The following P2RX6 variants were observed in gnomAD, a reference collection of about 807,000 sequenced individuals.
P2RX6 encodes the protein P2X purinoceptor 6.
P2RX6 carries 62 observed loss-of-function variants against 54.2 expected under a neutral mutation model. That is an observed-to-expected ratio of 1.14 (90% CI 0.93 to 1.41). The LOEUF (loss-of-function observed/expected upper bound fraction) is 1.41, where lower values mean the gene tolerates loss of function less well. Ranked by LOEUF, P2RX6 falls within the 40% of genes most tolerant of loss-of-function variation. The pLI is 0.00. For missense variants in P2RX6, 541 were observed against 566.3 expected, an observed-to-expected ratio of 0.96 and a Z score of 0.45; for synonymous variants, 211 against 231.9, an observed-to-expected ratio of 0.91 and a Z score of 0.82.
intron 2 of P2RX6, among the ~76,000 whole-genome samples, chr22:21,016,416 C>T (rs1010842097): frequency 2.0e-5 from 3 of 151,960 alleles, no homozygotes; most frequent in Non-Finnish European, 2.9e-5. Flanking sequence ...GGTGAAACCC[C>T]ATCTCTATTA....
chr22:21,015,396 G>A, intron 1 of P2RX6, 58 bp downstream of exon 1: 2 of 1,504,146 alleles, frequency 1.3e-6, no homozygotes, highest in Non-Finnish European at 1.8e-6. Flanking sequence ...TGGGGGGTGG[G>A]GCTTGGTCCT....
Position 21,026,689 on chromosome 22 carries a change from C to A in P2RX6, c.*72C>A. On this transcript the variant is annotated 3_prime_UTR_variant, in exon 12 of 12. Coordinates refer to ENST00000413302, the MANE Select transcript of P2RX6 (RefSeq NM_005446.5). This position sits in a 1 kb window ranked among gnomAD's most constrained non-coding sequence, Gnocchi z 4.0. Reference sequence around the variant, plus strand: ...TGCCTGGGGATCTCAAGGATGAGGCCCCAGCATGGAGGATTGGGGGTAGAA... The same window carrying A: ...TGCCTGGGGATCTCAAGGATGAGGCACCAGCATGGAGGATTGGGGGTAGAA... 6.6e-7 allele frequency: 1 copy of A among 1,510,398 alleles called. No homozygotes were observed. The highest frequency in any genetic ancestry group is 2.5e-5 in the East Asian group (1 of 40,542). 93.6% of individuals were successfully genotyped at this position (1,510,398 alleles called of 1,614,324 possible). A position where few individuals can be genotyped will look rare whatever the true frequency, so the allele number is the denominator to read the frequency against.
intron 2 of P2RX6, among the ~76,000 whole-genome samples, chr22:21,016,782 T>C (rs1403047479): frequency 2.0e-5 from 3 of 152,008 alleles, no homozygotes; most frequent in Non-Finnish European, 4.4e-5. Context: ...TCTTCTCGGC[T>C]GCGTTTTCCT....
At chr22:21,015,084 G>T, upstream of P2RX6, 2 of 726,764 alleles carry the variant, frequency 2.8e-6, no homozygotes, top group Non-Finnish European at 4.3e-6. Context: ...CTGCTTTAGT[G>T]GAAGTGTCCC....
At position 21,023,169 on chromosome 22, in the gene P2RX6, A is replaced by T; in HGVS notation, c.609A>T (p.Thr203=). ...ACTTCACACTGTTCATCAAAAACACAGTCACCTTCAGCAAGTTCAACTTCT... is the reference window on the plus strand; with the variant it reads ...ACTTCACACTGTTCATCAAAAACACTGTCACCTTCAGCAAGTTCAACTTCT... The part of the protein sequence containing the change: ...AQNFTLFIKN[T]VTFSKFNFSK... Residue 203 remains threonine, a synonymous_variant, in exon 6 of 12, where the codon ACA becomes ACT. Coordinates refer to ENST00000413302, the MANE Select transcript of P2RX6 (RefSeq NM_005446.5). 3.1e-6 allele frequency: 5 copies of T among 1,613,954 alleles called. No homozygotes were observed. The highest frequency in any genetic ancestry group is 4.2e-6 in the Non-Finnish European group (5 of 1,179,872).
Position 21,026,308 on chromosome 22 carries a change from C to T in P2RX6, c.1107C>T (p.Tyr369=). The T allele has an allele frequency of 6.2e-7, 1 of 1,607,022 alleles. No individual in the cohort carries two copies. The highest frequency in any genetic ancestry group is 8.5e-7 in the Non-Finnish European group (1 of 1,177,080). Residue 369 remains tyrosine, a synonymous_variant, in exon 11 of 12, where the codon TAC becomes TAT. Coordinates refer to ENST00000413302, the MANE Select transcript of P2RX6 (RefSeq NM_005446.5). This position sits in a 1 kb window ranked among gnomAD's most constrained non-coding sequence, Gnocchi z 4.0. Reference sequence around the variant, plus strand: ...ATGTGGATAGAGAAGCCCATTTCTACTGGAGGACAAAGTATGAGGAGGTGA... The same window carrying T: ...ATGTGGATAGAGAAGCCCATTTCTATTGGAGGACAAAGTATGAGGAGGTGA... The part of the protein sequence containing the change: ...LLYVDREAHF[Y]WRTKYEEAKA...
At chr22:21,014,464 A>T (rs1339991585), upstream of P2RX6, among the ~76,000 whole-genome samples, 2 of 152,186 alleles carry the variant, frequency 1.3e-5, no homozygotes, top group African/African-American at 4.8e-5. Context: ...GCCTGAGAGG[A>T]TAAACTGCAC....
intron 1 of P2RX6, chr22:21,009,937 C>G (rs745569920): frequency 6.6e-6 from 1 of 152,310 alleles, no homozygotes; most frequent in Non-Finnish European, 1.5e-5. Context: ...CAGGGTCAGA[C>G]AGTAATCCCC....
chr22:21,011,524 A>T (rs1371582564), upstream of P2RX6: 1 of 713,814 alleles, frequency 1.4e-6, no homozygotes, highest in Non-Finnish European at 2.6e-6. Context: ...GGCCTGGTTC[A>T]CTGTGAGGGC....
At chr22:21,010,653 A>G (rs1277330688), upstream of P2RX6, among the ~76,000 whole-genome samples, 6 of 152,134 alleles carry the variant, frequency 3.9e-5, no homozygotes, top group Non-Finnish European at 1.5e-5. Context: ...TTATTGGACC[A>G]TTTGAGGAGA....
At chr22:21,016,139 T>C (rs1157906188) in intron 2 of P2RX6, 47 bp downstream of exon 2, 1 of 1,532,942 alleles carries the variant, frequency 6.5e-7, no homozygotes, top group Non-Finnish European at 8.8e-7. Flanking sequence ...CTTTCCCCAC[T>C]GACAGCCTGA....
At position 21,025,878 on chromosome 22, in the gene P2RX6, G is replaced by A. The variant is rs937454588; in HGVS notation, c.964G>A (p.Asp322Asn). Residue 322 changes from aspartate to asparagine, a missense_variant, in exon 9 of 12, where the codon GAC (aspartate) becomes AAC (asparagine). Coordinates refer to ENST00000413302, the MANE Select transcript of P2RX6 (RefSeq NM_005446.5). ...TLLKLYGIRF[D>N]ILVTGQAGKF... ...GCTCAAGCTCTATGGAATCCGCTTC[G>A]ACATCCTCGTCACCGGGCAGGTAGG... is the stretch of plus-strand genomic sequence containing the variant. The A allele has an allele frequency of 3.8e-6, 6 of 1,576,140 alleles. No individual in the cohort carries two copies. The highest frequency in any genetic ancestry group is 1.4e-5 in the African/African-American group (1 of 74,008).
chr22:21,026,352 G>A lies in P2RX6; in HGVS notation c.1128+23G>A. The stretch of plus-strand genomic sequence containing the variant: ...GAGGTGAGCTGAGGTCGCTCTGCTT[G>A]GACCCTGGGTTCTGCCACACTTAGG... On this transcript the variant is annotated intron_variant, in intron 11 of 11. Coordinates refer to ENST00000413302, the MANE Select transcript of P2RX6 (RefSeq NM_005446.5). The surrounding 1 kb of genome is among the most constrained non-coding windows in gnomAD (Gnocchi z 4.0). 1 of 1,593,572 alleles carries A rather than the reference G, an allele frequency of 6.3e-7. No homozygotes were observed. Among genetic ancestry groups the A allele is most frequent in the Admixed American group, 1.8e-5 (1 of 56,638 alleles).
At chr22:21,024,247 C>T (rs1927996857) in intron 8 of P2RX6, among the ~76,000 whole-genome samples, 1 of 151,362 alleles carries the variant, frequency 6.6e-6, no homozygotes. Flanking sequence ...ACGTAAACCA[C>T]CATGTCTGGC....
In P2RX6 at chr22:21,019,533, C is replaced by T. The variant is rs146702538; in HGVS notation, c.387+1473C>T. On this transcript the variant is annotated intron_variant, in intron 3 of 11. Transcript: ENST00000413302. ...TTCACCATGTTGGCCAGGCTGGTCT[C>T]GAACTCCTGGCCTCAGGTGACCCAC... 4.1e-3 allele frequency among the ~76,000 whole-genome samples: 631 copies of T among 152,314 alleles called. 6 individuals carry two copies. The highest frequency in any genetic ancestry group is 0.014 in the African/African-American group (593 of 41,560).
chr22:21,018,137 C>T (rs982417863), intron 3 of P2RX6, 77 bp downstream of exon 3: 1 of 935,376 alleles, frequency 1.1e-6, no homozygotes, highest in Non-Finnish European at 1.7e-6. Flanking sequence ...GTTTCCCTTT[C>T]CCCTTCCCAG....
At chr22:21,012,641 A>T, upstream of P2RX6, 1 of 566,712 alleles carries the variant, frequency 1.8e-6, no homozygotes, top group Non-Finnish European at 3.3e-6. Flanking sequence ...CTCAATGAGG[A>T]AGCCAGAGAC....
At chr22:21,013,395 A>G (rs562534940), upstream of P2RX6, among the ~76,000 whole-genome samples, 9 of 152,352 alleles carry the variant, frequency 5.9e-5, no homozygotes, top group South Asian at 1.9e-3. Context: ...CTGTCAAAAG[A>G]AAGCTGGACA....
chr22:21,011,566 A>T, upstream of P2RX6: 1 of 715,464 alleles, frequency 1.4e-6, no homozygotes, highest in South Asian at 1.5e-5. Flanking sequence ...TGCCACTCCC[A>T]GCTGGTTCTC....
Sources: allele counts gnomAD v4.1 joint callset (sites outside exome capture counted in the v4.1 genomes callset), GRCh38; gene constraint gnomAD v4.1.1; non-coding constraint Gnocchi (gnomAD v3.1); transcripts MANE v1.5; gene names NCBI Gene and HGNC (gene_info 2026-07-23, HGNC 2026-07-21).